XRN1: variants seen among roughly 807,000 people sequenced by gnomAD.
XRN1 encodes the protein 5'-3' exoribonuclease 1.
In XRN1, 67 loss-of-function variants were observed where a neutral mutation model predicts 222.3. The ratio of observed to expected loss-of-function variants is 0.30; its 90% CI spans 0.25 to 0.37. The LOEUF is 0.37. Ranked by LOEUF, XRN1 falls within the 10% of genes least tolerant of loss-of-function variation. The probability of loss-of-function intolerance (pLI) is 1.00; values close to 1 mark genes in which losing one functional copy is unlikely to be tolerated. For missense variants in XRN1, 1,707 were observed against 2,000.2 expected (o/e 0.85, Z 2.80); for synonymous variants, 643 against 652.4 (o/e 0.99, Z 0.22).
chr3:142,424,363 TG>T (rs1205178939), intron 5 of XRN1, among the ~76,000 whole-genome samples: 1 of 152,210 alleles, frequency 6.6e-6, no homozygotes, highest in African/African-American at 2.4e-5. Flanking sequence ...CCCAAAGAGA[TG>T]GGATTACAGG....
intron 34 of XRN1, 52 bp downstream of exon 34, chr3:142,335,396 C>G: frequency 1.3e-6 from 2 of 1,517,708 alleles, no homozygotes; most frequent in East Asian, 4.5e-5. Flanking sequence ...TACAGAGCCA[C>G]CAATTGCATT....
intron 32 of XRN1, among the ~76,000 whole-genome samples, chr3:142,351,998 A>C (rs138409764): frequency 6.6e-6 from 1 of 152,088 alleles, no homozygotes; most frequent in Admixed American, 6.5e-5. Context: ...CATATAATCT[A>C]AAATGCTTAG....
At chr3:142,436,442 T>C (rs1038164582) in intron 1 of XRN1, among the ~76,000 whole-genome samples, 1 of 152,190 alleles carries the variant, frequency 6.6e-6, no homozygotes, top group East Asian at 1.9e-4. Context: ...AAAACAGAAA[T>C]AGGGTTTATA....
intron 37 of XRN1, among the ~76,000 whole-genome samples, chr3:142,326,449 T>C (rs2065519021): frequency 6.6e-6 from 1 of 152,124 alleles, no homozygotes; most frequent in Admixed American, 6.6e-5. Context: ...TTGGTTTCTT[T>C]TTCAGATTGT....
chr3:142,437,214 T>C (rs1200362428), intron 1 of XRN1, among the ~76,000 whole-genome samples: 1 of 152,244 alleles, frequency 6.6e-6, no homozygotes, highest in Non-Finnish European at 1.5e-5. Flanking sequence ...TATTTTATAC[T>C]CTCTGCCTTC....
intron 15 of XRN1, among the ~76,000 whole-genome samples, chr3:142,408,426 T>C (rs2108049527): frequency 6.6e-6 from 1 of 152,318 alleles, no homozygotes; most frequent in East Asian, 1.9e-4. Context: ...TTCTATCCCT[T>C]GCGATGCAAA....
rs1200723219 is a variant in XRN1 at position 142,383,265 on chromosome 3, A to G, written c.2616+35T>C. 2.6e-6 allele frequency: 4 copies of G among 1,515,846 alleles called. No homozygotes were observed. In the African/African-American group the frequency reaches 4.2e-5, roughly 16 times the overall value. The allele number at this position is 1,515,846 out of a possible 1,614,324, so 93.9% of individuals were successfully genotyped here. The stretch of plus-strand genomic sequence containing the variant: ...AAGTTAAGTAACTGCTTTAAACTAG[A>G]GAAAAATGTATCAGTAACAATAATG... On this transcript the variant is annotated intron_variant, in intron 22 of 40. Coordinates refer to ENST00000392981, the MANE Select transcript of XRN1 (RefSeq NM_001282857.2).
chr3:142,361,066 C>T (rs1178378378), intron 29 of XRN1, among the ~76,000 whole-genome samples: 5 of 152,282 alleles, frequency 3.3e-5, no homozygotes, highest in African/African-American at 1.2e-4. Flanking sequence ...TCCTCCTAAT[C>T]TAGGCAACTA....
intron 37 of XRN1, among the ~76,000 whole-genome samples, chr3:142,325,694 T>G (rs1408652105): frequency 2.6e-5 from 4 of 152,170 alleles, no homozygotes; most frequent in Admixed American, 6.5e-5. Context: ...GTTTATGCAT[T>G]TTTGCTTTAG....
At chr3:142,373,472 C>T (rs2067047527) in intron 25 of XRN1, among the ~76,000 whole-genome samples, 1 of 151,872 alleles carries the variant, frequency 6.6e-6, no homozygotes, top group Non-Finnish European at 1.5e-5. Context: ...AATGGAAGGG[C>T]ATCAGTTGCA....
In XRN1 at chr3:142,311,730, G is replaced by A. The variant is rs769482977; in HGVS notation, c.4866C>T (p.Ser1622=). The change falls in exon 41 of 41, where the codon AGC becomes AGT. Residue 1622 remains serine, a synonymous_variant. Transcript: ENST00000392981. ...TGACAATGTTGGAAGAATCTGGCTG[G>A]CTAGTCTGAACTGGAGTGGCTTGAG... is the stretch of plus-strand genomic sequence containing the variant. ...QSSQATPVQT[S]QPDSSNIVKV... is the part of the protein sequence containing the mutation. 10 of 1,614,020 alleles carry A rather than the reference G, an allele frequency of 6.2e-6. No homozygotes were observed. The South Asian group carries it at 1.1e-4, about 18-fold the overall frequency.
intron 32 of XRN1, among the ~76,000 whole-genome samples, chr3:142,349,669 C>G (rs1411519595): frequency 6.6e-6 from 1 of 152,044 alleles, no homozygotes; most frequent in African/African-American, 2.4e-5. Flanking sequence ...GGTATTTGTA[C>G]ACATTGCCAT....
chr3:142,405,133 AAACAG>A (rs2068295170), intron 15 of XRN1, 57 bp from the exon 16 acceptor site: 1 of 1,540,274 alleles, frequency 6.5e-7, no homozygotes, highest in Admixed American at 1.8e-5. Flanking sequence ...TAATCTCAAC[AAACAG>A]AATAAGTCTT....
chr3:142,352,190 G>C (rs1221027259), intron 32 of XRN1, among the ~76,000 whole-genome samples: 1 of 152,058 alleles, frequency 6.6e-6, no homozygotes, highest in Non-Finnish European at 1.5e-5. Context: ...ACATACTGCT[G>C]CCTGATTAAT....
intron 25 of XRN1, 106 bp from the exon 26 acceptor site, chr3:142,371,434 A>G: frequency 1.3e-6 from 1 of 781,654 alleles, no homozygotes; most frequent in South Asian, 1.8e-5. Context: ...AAGCTTATTG[A>G]GGACTACTAT....
intron 23 of XRN1, among the ~76,000 whole-genome samples, chr3:142,379,423 A>G (rs1470565006): frequency 6.6e-6 from 1 of 152,244 alleles, no homozygotes; most frequent in Non-Finnish European, 1.5e-5. Flanking sequence ...AAGCTACTGG[A>G]GTAAGTGCTC....
rs2107842571 is a variant in XRN1, at chr3:142,360,343, CACGTA to C, written c.3395-417_3395-413del. 1.3e-5 allele frequency among the ~76,000 whole-genome samples: 2 copies of C among 152,208 alleles called. 1 individual carries two copies. The highest frequency in any genetic ancestry group is 4.1e-4 in the South Asian group (2 of 4,826). Reference sequence around the variant, plus strand: ...CAACATTATATTTGTGAGATTCACCCACGTAAACATGTGCATTCAGTTTTCTGGAT... The same window carrying C: ...CAACATTATATTTGTGAGATTCACCCAACATGTGCATTCAGTTTTCTGGAT... On this transcript the variant is annotated intron_variant, in intron 29 of 40. Coordinates refer to ENST00000392981, the MANE Select transcript of XRN1 (RefSeq NM_001282857.2).
Position 142,318,638 on chromosome 3 carries a change from T to A in XRN1, c.4575A>T (p.Ser1525=), listed in dbSNP as rs1297249319. 7 of 1,609,636 alleles carry A rather than the reference T, an allele frequency of 4.3e-6. No homozygotes were observed. Among genetic ancestry groups the A allele is most frequent in the Non-Finnish European group, 5.9e-6 (7 of 1,178,388 alleles). ...LPSQVFANYP[S]AVPPGTIPPA... ...GAGGAATGGTTCCAGGTGGTACAGC[T>A]GAAGGATAATTTGCAAATACTTGTG... The change falls in exon 39 of 41, where the codon TCA becomes TCT. Residue 1525 remains serine (S), a synonymous_variant. Coordinates refer to ENST00000392981, the MANE Select transcript of XRN1 (RefSeq NM_001282857.2).
chr3:142,412,792 C>A, intron 14 of XRN1, 129 bp from the exon 15 acceptor site: 1 of 664,626 alleles, frequency 1.5e-6, no homozygotes, highest in Admixed American at 3.5e-5. Context: ...AATTTTTGTA[C>A]CTTTGATATG....
Sources: allele counts gnomAD v4.1 joint callset (sites outside exome capture counted in the v4.1 genomes callset), GRCh38; gene constraint gnomAD v4.1.1; transcripts MANE v1.5; gene names NCBI Gene and HGNC (gene_info 2026-07-23, HGNC 2026-07-21).